The following PABPC4L variants were observed in gnomAD, a reference collection of about 807,000 sequenced individuals.
PABPC4L encodes polyadenylate-binding protein 4-like.
For missense variants in PABPC4L, 452 were observed against 451.4 expected (o/e 1.00, Z -0.01); for synonymous variants, 169 against 164.1 (o/e 1.03, Z -0.23).
the PABPC4L span, among the ~76,000 whole-genome samples, chr4:134,043,933 C>T: frequency 4.9e-3 from 708 of 144,990 alleles, 7 homozygotes; most frequent in African/African-American, 0.017. Context: ...TGTGTGTCGA[C>T]GGATGTCTGT....
chr4:134,089,925 AG>A, the PABPC4L span, among the ~76,000 whole-genome samples: 1 of 152,082 alleles, frequency 6.6e-6, no homozygotes, highest in Non-Finnish European at 1.5e-5. Context: ...TTCATAAATA[AG>A]GGGGTAGACT....
At chr4:134,127,635 A>C in the PABPC4L span, among the ~76,000 whole-genome samples, 1 of 152,126 alleles carries the variant, frequency 6.6e-6, no homozygotes, top group East Asian at 1.9e-4. Flanking sequence ...CCCGTGGGAC[A>C]AAAGATTCTG....
the PABPC4L span, among the ~76,000 whole-genome samples, chr4:133,998,333 G>A: frequency 0.47 from 71,950 of 151,582 alleles, 18,602 homozygotes; most frequent in African/African-American, 0.65. Context: ...ATATTCCACC[G>A]TCACATAATA....
chr4:134,027,290 G>A, the PABPC4L span, among the ~76,000 whole-genome samples: 1 of 152,110 alleles, frequency 6.6e-6, no homozygotes, highest in African/African-American at 2.4e-5. Context: ...TGGCAGGATG[G>A]CAGGATGGGC....
At chr4:134,048,384 T>A in the PABPC4L span, among the ~76,000 whole-genome samples, 1 of 152,100 alleles carries the variant, frequency 6.6e-6, no homozygotes, top group Admixed American at 6.6e-5. Flanking sequence ...CCCAGATGTT[T>A]GGAGGTATTT....
At chr4:133,954,905 G>A in the PABPC4L span, among the ~76,000 whole-genome samples, 1 of 152,040 alleles carries the variant, frequency 6.6e-6, no homozygotes, top group Admixed American at 6.6e-5. Flanking sequence ...TTGAACAGGG[G>A]AGGACAGAAT....
At chr4:133,987,588 C>A in the PABPC4L span, among the ~76,000 whole-genome samples, 1 of 152,190 alleles carries the variant, frequency 6.6e-6, no homozygotes, top group South Asian at 2.1e-4. Context: ...TAATCACCAA[C>A]AAGCCTATAC....
the PABPC4L span, among the ~76,000 whole-genome samples, chr4:134,102,834 CTAAA>C: frequency 1.3e-5 from 2 of 151,258 alleles, no homozygotes; most frequent in Admixed American, 1.3e-4. Flanking sequence ...ATATTTAAGT[CTAAA>C]TATGTTTATA....
chr4:134,062,541 T>G, the PABPC4L span, among the ~76,000 whole-genome samples: 21 of 151,966 alleles, frequency 1.4e-4, no homozygotes, highest in Non-Finnish European at 2.1e-4. Flanking sequence ...ACAAAAGTGA[T>G]TAAACAAATT....
the PABPC4L span, among the ~76,000 whole-genome samples, chr4:134,143,047 T>C: frequency 1.3e-5 from 2 of 151,466 alleles, no homozygotes; most frequent in Non-Finnish European, 3.0e-5. Flanking sequence ...AGTAAGGGAA[T>C]CTTTCACCAT....
At chr4:133,987,913 C>T in the PABPC4L span, among the ~76,000 whole-genome samples, 3 of 152,062 alleles carry the variant, frequency 2.0e-5, no homozygotes, top group Non-Finnish European at 4.4e-5. Flanking sequence ...GCTAGGGAGG[C>T]CTTAAGAAAC....
the PABPC4L span, among the ~76,000 whole-genome samples, chr4:133,983,701 A>C: frequency 6.6e-6 from 1 of 151,828 alleles, no homozygotes; most frequent in Non-Finnish European, 1.5e-5. Flanking sequence ...ATAAACTTGG[A>C]ATATTTTGTA....
the PABPC4L span, among the ~76,000 whole-genome samples, chr4:134,178,497 C>A: frequency 6.6e-6 from 1 of 151,750 alleles, no homozygotes; most frequent in Non-Finnish European, 1.5e-5. Context: ...GTTTTTTTAC[C>A]TCCAAATGAT....
the PABPC4L span, among the ~76,000 whole-genome samples, chr4:134,118,017 G>T: frequency 3.2e-4 from 48 of 151,904 alleles, 1 homozygote; most frequent in South Asian, 2.1e-4. Context: ...CATTACAGGT[G>T]CAGGCAATCA....
the PABPC4L span, among the ~76,000 whole-genome samples, chr4:134,164,723 C>T: frequency 1.3e-5 from 2 of 151,678 alleles, no homozygotes; most frequent in African/African-American, 2.4e-5. Context: ...AGATTCAATG[C>T]GATTTCTATC....
At chr4:133,998,471 A>G in the PABPC4L span, among the ~76,000 whole-genome samples, 2 of 152,012 alleles carry the variant, frequency 1.3e-5, no homozygotes, top group Non-Finnish European at 2.9e-5. Flanking sequence ...TGCAAAAATA[A>G]AAATCTCTCA....
chr4:134,141,981 G>A, the PABPC4L span, among the ~76,000 whole-genome samples: 1 of 151,610 alleles, frequency 6.6e-6, no homozygotes, highest in Admixed American at 6.6e-5. Flanking sequence ...TCACACTGAC[G>A]ACTGCCTTCG....
chr4:134,115,212 G>A, the PABPC4L span, among the ~76,000 whole-genome samples: 10 of 151,832 alleles, frequency 6.6e-5, no homozygotes, highest in Non-Finnish European at 1.0e-4. Flanking sequence ...TTTATTCATT[G>A]TTTACTTCAC....
chr4:134,147,749 G>GTGTTGTTGT, the PABPC4L span, among the ~76,000 whole-genome samples: 143 of 149,034 alleles, frequency 9.6e-4, no homozygotes, highest in African/African-American at 3.2e-3. Flanking sequence ...GTGTGTGTGT[G>GTGTTGTTGT]TGTTGTTGTT....
Sources: allele counts gnomAD v4.1 joint callset (sites outside exome capture counted in the v4.1 genomes callset), GRCh38; gene constraint gnomAD v4.1.1; transcripts MANE v1.5; gene names NCBI Gene and HGNC (gene_info 2026-07-23, HGNC 2026-07-21).